The following RADX variants were observed in gnomAD, a reference collection of about 807,000 sequenced individuals.
The protein encoded by RADX is RPA1 related single stranded DNA binding protein, X-linked.
In RADX, 36 loss-of-function variants were observed where a neutral mutation model predicts 61.6. The ratio of observed to expected loss-of-function variants is 0.58; its 90% CI spans 0.45 to 0.77. RADX has a LOEUF of 0.77. Among genes scored for constraint, RADX ranks in the 30% least tolerant of loss-of-function variants. The probability of loss-of-function intolerance (pLI) is 0.00; values close to 1 mark genes in which losing one functional copy is unlikely to be tolerated. For synonymous variants in RADX, 272 were observed against 237.9 expected, an observed-to-expected ratio of 1.14 and a Z score of -1.32; for missense variants, 497 against 651.1, an observed-to-expected ratio of 0.76 and a Z score of 2.58.
chrX:106,621,513 C>T (rs1926940378), intron 1 of RADX, among the ~76,000 whole-genome samples: 1 of 112,080 alleles, frequency 8.9e-6, no homozygotes, highest in South Asian at 3.6e-4. Context: ...TGGAACCTCT[C>T]TTAATCCAAG....
At chrX:106,624,910 T>A (rs1340432503) in intron 2 of RADX, among the ~76,000 whole-genome samples, 180 bp from the exon 3 acceptor site, 1 of 111,942 alleles carries the variant, frequency 8.9e-6, no homozygotes, top group Non-Finnish European at 1.9e-5. Context: ...TACATTTCTC[T>A]ATCTCTAATC....
At chrX:106,657,601 T>C (rs376908448) in intron 11 of RADX, among the ~76,000 whole-genome samples, 2 of 111,961 alleles carry the variant, frequency 1.8e-5, no homozygotes, top group South Asian at 3.7e-4. Context: ...CTCCTTTCAC[T>C]TGAACACTTA....
chrX:106,615,701 A>G (rs1194933999), intron 1 of RADX, among the ~76,000 whole-genome samples: 2 of 97,940 alleles, frequency 2.0e-5, no homozygotes, highest in Non-Finnish European at 3.9e-5. Context: ...AAGATCCACA[A>G]CTCTTTTTTT....
intron 3 of RADX, among the ~76,000 whole-genome samples, chrX:106,628,050 G>C (rs1248114910): frequency 3.6e-5 from 4 of 111,005 alleles, no homozygotes; most frequent in Non-Finnish European, 7.5e-5. Flanking sequence ...TGGCCAGGCT[G>C]TACTCGAACT....
At chrX:106,629,366 C>T (rs1927154801) in intron 3 of RADX, among the ~76,000 whole-genome samples, 1 of 111,696 alleles carries the variant, frequency 9.0e-6, no homozygotes, top group African/African-American at 3.3e-5. Flanking sequence ...GACTGAAACT[C>T]ATAAAGGTAA....
At chrX:106,612,766 G>T in intron 1 of RADX, 43 bp downstream of exon 1, 1 of 1,108,426 alleles carries the variant, frequency 9.0e-7, no homozygotes, top group Non-Finnish European at 1.2e-6. Context: ...AAAAAAAATA[G>T]TTTTCAGGAG....
intron 13 of RADX, among the ~76,000 whole-genome samples, chrX:106,670,749 A>G (rs1466199015): frequency 5.4e-5 from 6 of 110,674 alleles, no homozygotes; most frequent in African/African-American, 2.0e-4. Flanking sequence ...CACAAAGTGA[A>G]CCTTATTATC....
intron 1 of RADX, among the ~76,000 whole-genome samples, chrX:106,620,266 T>C (rs868778454): frequency 5.0e-4 from 56 of 112,205 alleles, no homozygotes; most frequent in African/African-American, 1.7e-3. Context: ...TTTTGGAAAA[T>C]ATAGTCATTT....
In RADX at chrX:106,678,922, A is replaced by G. The variant is rs1231376967; in HGVS notation, c.*664A>G. 2 of 112,479 alleles carry G rather than the reference A, an allele frequency of 1.8e-5. No individual in the cohort carries two copies. The highest frequency in any genetic ancestry group is 3.8e-5 in the Non-Finnish European group (2 of 53,245). 9.3% of individuals were successfully genotyped at this position (112,479 alleles called of 1,213,427 possible). Reference sequence around the variant, plus strand: ...TGATGTTAAAGTCAAAGGCTGCAGTATGTCTATATTCTTGCTGTACTCATT... The same window carrying G: ...TGATGTTAAAGTCAAAGGCTGCAGTGTGTCTATATTCTTGCTGTACTCATT... On this transcript the variant is annotated 3_prime_UTR_variant, in exon 14 of 14. Transcript: ENST00000372548.
At position 106,612,573 on chromosome X, in the gene RADX, G is replaced by C; in HGVS notation, c.493G>C (p.Glu165Gln). 1 of 1,211,535 alleles carries C rather than the reference G, an allele frequency of 8.3e-7. No individual in the cohort carries two copies. Among genetic ancestry groups the C allele is most frequent in the African/African-American group, 1.7e-5 (1 of 57,692 alleles). Residue 165 changes from glutamate to glutamine, a missense_variant, in exon 1 of 14, where the codon GAA (glutamate) becomes CAA (glutamine). By Grantham distance (29) the Glu-to-Gln change is conservative. This residue lies in a region of RADX where 196 missense variants were observed against 315.0 expected (regional missense o/e 0.62). Coordinates refer to ENST00000372548, the MANE Select transcript of RADX (RefSeq NM_018015.6). ...CGETSDSISL[E>Q]TPFRNRAHQE... is the part of the protein sequence containing the mutation. Reference sequence around the variant, plus strand: ...GGAGACTTCAGACAGTATTTCTTTAGAAACTCCCTTCAGAAATAGAGCGCA... The same window carrying C: ...GGAGACTTCAGACAGTATTTCTTTACAAACTCCCTTCAGAAATAGAGCGCA...
intron 3 of RADX, among the ~76,000 whole-genome samples, chrX:106,628,088 G>A (rs919676471): frequency 5.4e-5 from 6 of 111,026 alleles, no homozygotes; most frequent in African/African-American, 2.0e-4. Flanking sequence ...TACCTGCCTC[G>A]GCCTCTCAAA....
intron 2 of RADX, 28 bp from the exon 3 acceptor site, chrX:106,625,062 T>C: frequency 9.3e-7 from 1 of 1,071,336 alleles, no homozygotes; most frequent in Non-Finnish European, 1.3e-6. Context: ...GACAAATATG[T>C]ATGTGCTTTT....
intron 6 of RADX, 113 bp downstream of exon 6, chrX:106,633,365 C>T: frequency 3.5e-6 from 2 of 566,485 alleles, no homozygotes; most frequent in Non-Finnish European, 5.5e-6. Flanking sequence ...GCAATTCAAG[C>T]AGTCTGACAG....
chrX:106,633,189 C>A lies in RADX; in HGVS notation c.1240C>A (p.Gln414Lys). The A allele has an allele frequency of 4.2e-6, 5 of 1,204,057 alleles. No homozygotes were observed. The highest frequency in any genetic ancestry group is 5.6e-6 in the Non-Finnish European group (5 of 888,968). ...WIHIADGTSE[Q>K]PFIVELFSTS... ...TCACATTGCTGACGGTACTTCAGAA[C>A]AACCATTTATAGTGGAACTGTTTTC... Residue 414 changes from glutamine to lysine, a missense_variant, in exon 6 of 14, where the codon CAA becomes AAA. Gln to Lys is a moderately conservative substitution (Grantham distance 53, BLOSUM62 1). This residue lies in a region of RADX where 196 missense variants were observed against 315.0 expected (regional missense o/e 0.62). Coordinates refer to ENST00000372548, the MANE Select transcript of RADX (RefSeq NM_018015.6).
chrX:106,631,534 C>G (rs1480962296), intron 3 of RADX, among the ~76,000 whole-genome samples: 1 of 108,082 alleles, frequency 9.3e-6, no homozygotes, highest in Non-Finnish European at 1.9e-5. Flanking sequence ...ATAAGACCCC[C>G]CCATCTCTAC....
chrX:106,618,724 C>A (rs181558837), intron 1 of RADX, among the ~76,000 whole-genome samples: 1 of 110,723 alleles, frequency 9.0e-6, no homozygotes, highest in Admixed American at 9.6e-5. Context: ...GAGCCTGAGT[C>A]CGGGAGGTTG....
Position 106,612,545 on chromosome X carries a change from T to C in RADX, c.465T>C (p.Cys155=), listed in dbSNP as rs771783015. The change falls in exon 1 of 14, where the codon TGT becomes TGC. Residue 155 remains cysteine (C), a synonymous_variant. Coordinates refer to ENST00000372548, the MANE Select transcript of RADX (RefSeq NM_018015.6). ...QGILCIDNVH[C]GETSDSISLE... ...TCCTGTGCATAGATAACGTCCACTG[T>C]GGGGAGACTTCAGACAGTATTTCTT... The C allele has an allele frequency of 2.5e-6, 3 of 1,211,490 alleles. No homozygotes were observed. Among genetic ancestry groups the C allele is most frequent in the South Asian group, 1.8e-5 (1 of 56,942 alleles).
rs756763825 is a variant in RADX, at chrX:106,674,463, T to TTTG, written c.2438-3650_2438-3648dup. On this transcript the variant is annotated intron_variant, in intron 13 of 13. Coordinates refer to ENST00000372548, the MANE Select transcript of RADX (RefSeq NM_018015.6). ...CACCAGCACTTGTTTTCTGTTTTGTTTTGTTGTTGTTGTTGTTTTAACAAC... is the reference window on the plus strand; with the variant it reads ...CACCAGCACTTGTTTTCTGTTTTGTTTTGTTGTTGTTGTTGTTGTTTTAACAAC... Among the ~76,000 whole-genome samples the TTTG allele has an allele frequency of 8.9e-5, 10 of 112,087 alleles. 1 individual carries two copies. In the South Asian group the frequency reaches 1.5e-3, roughly 17 times the overall value.
At chrX:106,652,900 C>T (rs1001010286) in intron 11 of RADX, among the ~76,000 whole-genome samples, 2 of 106,206 alleles carry the variant, frequency 1.9e-5, no homozygotes, top group South Asian at 4.3e-4. Context: ...GCAGGAGAAT[C>T]GCTTGAATTC....
Sources: gnomAD v4.1 joint callset for allele counts (sites outside exome capture counted in the v4.1 genomes callset) on GRCh38, gnomAD v4.1.1 for gene constraint, gnomAD v4.1.1 regional missense constraint, MANE v1.5 for transcripts, NCBI Gene and HGNC (gene_info 2026-07-23, HGNC 2026-07-21) for gene names.